The following PALLD variants were observed in gnomAD, a reference collection of about 807,000 sequenced individuals.
The protein encoded by PALLD is palladin.
PALLD carries 61 observed loss-of-function variants against 123.5 expected under a neutral mutation model. The ratio of observed to expected loss-of-function variants is 0.49; its 90% CI spans 0.40 to 0.61. The LOEUF (loss-of-function observed/expected upper bound fraction) is 0.61. PALLD is among the 20% of genes least tolerant of loss of function. The pLI is 0.00. For missense variants in PALLD, 1,273 were observed against 1,377.0 expected (o/e 0.92, Z 1.20); for synonymous variants, 465 against 496.4 (o/e 0.94, Z 0.84).
At chr4:168,833,621 G>A (rs976421425) in intron 10 of PALLD, among the ~76,000 whole-genome samples, 2 of 152,040 alleles carry the variant, frequency 1.3e-5, no homozygotes, top group Non-Finnish European at 2.9e-5. Flanking sequence ...GTGTTATGCA[G>A]GCTCCTGTCA....
chr4:168,838,762 G>A (rs1231402351), intron 10 of PALLD, among the ~76,000 whole-genome samples: 1 of 141,470 alleles, frequency 7.1e-6, no homozygotes, highest in Non-Finnish European at 1.5e-5. Context: ...TTGAGTGACT[G>A]CTACAGGAAA....
chr4:168,868,387 C>G (rs991031872), intron 10 of PALLD, among the ~76,000 whole-genome samples: 1 of 152,170 alleles, frequency 6.6e-6, no homozygotes, highest in Non-Finnish European at 1.5e-5. Flanking sequence ...ATGTCTGCCA[C>G]ACTTGGAGTT....
intron 2 of PALLD, among the ~76,000 whole-genome samples, chr4:168,527,937 TC>T (rs879271998): frequency 2.1e-4 from 32 of 152,204 alleles, no homozygotes; most frequent in Non-Finnish European, 4.4e-4. Flanking sequence ...ACACAATGCT[TC>T]CCTGTGTTCA....
At chr4:168,834,599 T>G (rs1322478083) in intron 10 of PALLD, among the ~76,000 whole-genome samples, 1 of 152,084 alleles carries the variant, frequency 6.6e-6, no homozygotes, top group African/African-American at 2.4e-5. Flanking sequence ...TAGCCAGGTG[T>G]GGTGGTGTGT....
chr4:168,841,169 A>G (rs73864654), intron 10 of PALLD, among the ~76,000 whole-genome samples: 195 of 152,240 alleles, frequency 1.3e-3, no homozygotes, highest in African/African-American at 4.5e-3. Flanking sequence ...ATGTTTAAGA[A>G]TTAACATGTA....
chr4:168,715,018 C>T (rs74613681), intron 10 of PALLD, among the ~76,000 whole-genome samples: 2,017 of 152,150 alleles, frequency 0.013, 43 homozygotes, highest in African/African-American at 0.045. Flanking sequence ...CAACAGAAGT[C>T]GTCACCTATA....
intron 10 of PALLD, among the ~76,000 whole-genome samples, chr4:168,889,562 A>G (rs1055512285): frequency 6.6e-6 from 1 of 152,144 alleles, no homozygotes; most frequent in African/African-American, 2.4e-5. Context: ...ATAAAATGAA[A>G]TTCTTATCCA....
chr4:168,542,754 A>ATATATG (rs1765759130), intron 2 of PALLD, among the ~76,000 whole-genome samples: 1 of 133,174 alleles, frequency 7.5e-6, no homozygotes. Context: ...ATATATATAT[A>ATATATG]TATATATATG....
chr4:168,842,696 T>G (rs1746217667), intron 10 of PALLD, among the ~76,000 whole-genome samples: 1 of 152,224 alleles, frequency 6.6e-6, no homozygotes, highest in Non-Finnish European at 1.5e-5. Flanking sequence ...TCAGCCTTGC[T>G]GTCCCTGTCA....
Position 168,913,970 on chromosome 4 carries a change from A to G in PALLD, c.2666A>G (p.Asn889Ser). The G allele has an allele frequency of 6.2e-7, 1 of 1,613,608 alleles. No homozygotes were observed. The highest frequency in any genetic ancestry group is 8.5e-7 in the Non-Finnish European group (1 of 1,179,500). Reference sequence around the variant, plus strand: ...GGACGGCTAATGGTACAGGCTGTCAACCAAAGAGGTCGAAGTCCCCGGTCT... The same window carrying G: ...GGACGGCTAATGGTACAGGCTGTCAGCCAAAGAGGTCGAAGTCCCCGGTCT... The part of the protein sequence containing the change: ...CTGRLMVQAV[N>S]QRGRSPRSPS... Residue 889 changes from asparagine (N) to serine (S), a missense_variant, in exon 16 of 22, where the codon AAC (asparagine) becomes AGC (serine). Around this residue, in one of 2 missense-constraint regions of PALLD, gnomAD observed 329 missense variants for 422.5 expected, o/e 0.78. Transcript: ENST00000505667.
At chr4:168,739,777 C>T (rs983618025) in intron 10 of PALLD, among the ~76,000 whole-genome samples, 1 of 152,336 alleles carries the variant, frequency 6.6e-6, no homozygotes, top group East Asian at 1.9e-4. Flanking sequence ...CTCCATCACA[C>T]ACGTCATAAA....
chr4:168,796,094 T>C (rs1226423563), intron 10 of PALLD, among the ~76,000 whole-genome samples: 1 of 152,156 alleles, frequency 6.6e-6, no homozygotes, highest in Non-Finnish European at 1.5e-5. Context: ...TACAATTAAG[T>C]TCCTATTGAC....
At chr4:168,771,435 C>G (rs908945794) in intron 10 of PALLD, among the ~76,000 whole-genome samples, 3 of 152,206 alleles carry the variant, frequency 2.0e-5, no homozygotes, top group Non-Finnish European at 4.4e-5. Context: ...CGGGCTGCAA[C>G]AAGCCTTGCT....
chr4:168,580,025 C>T (rs943910754), intron 2 of PALLD, among the ~76,000 whole-genome samples: 16 of 151,980 alleles, frequency 1.1e-4, no homozygotes, highest in African/African-American at 4.8e-5. Context: ...ACCAATAGCT[C>T]CTCATTTCCT....
intron 7 of PALLD, 31 bp downstream of exon 7, chr4:168,690,775 G>A (rs200116513): frequency 5.7e-5 from 92 of 1,611,010 alleles, no homozygotes; most frequent in Admixed American, 5.0e-5. Context: ...CCCCAAATCT[G>A]ACCATTTTAT....
intron 2 of PALLD, among the ~76,000 whole-genome samples, chr4:168,599,556 A>T (rs1220611592): frequency 1.3e-5 from 2 of 152,218 alleles, no homozygotes; most frequent in Non-Finnish European, 2.9e-5. Flanking sequence ...GTGGGAGAAT[A>T]GTGCAAGTAA....
At chr4:168,894,889 C>T (rs1754782104) in intron 12 of PALLD, 3 of 667,574 alleles carry the variant, frequency 4.5e-6, no homozygotes, top group Admixed American at 6.0e-5. Context: ...ATCAGTGATA[C>T]CTGTTCTTTT....
In PALLD at chr4:168,516,576, A is replaced by C. The variant is rs143059251; in HGVS notation, c.908+4164A>C. Among the ~76,000 whole-genome samples, 426 of 152,284 alleles carry C rather than the reference A, an allele frequency of 2.8e-3. 3 individuals carry two copies. The highest frequency in any genetic ancestry group is 9.7e-3 in the South Asian group (47 of 4,826). Reference sequence around the variant, plus strand: ...AAATGTAAGGAGACTGGGATCAAAAACTGTGAAATGATGTGCCTAGTAATA... The same window carrying C: ...AAATGTAAGGAGACTGGGATCAAAACCTGTGAAATGATGTGCCTAGTAATA... On this transcript the variant is annotated intron_variant, in intron 2 of 21. Coordinates refer to ENST00000505667, the MANE Select transcript of PALLD (RefSeq NM_001166108.2).
chr4:168,787,867 G>A (rs1736968653), intron 10 of PALLD, among the ~76,000 whole-genome samples: 1 of 152,096 alleles, frequency 6.6e-6, no homozygotes, highest in East Asian at 1.9e-4. Flanking sequence ...GGCATCAAAG[G>A]GCCAACATTA....
Sources: gnomAD v4.1 joint callset for allele counts (sites outside exome capture counted in the v4.1 genomes callset) on GRCh38, gnomAD v4.1.1 for gene constraint, gnomAD v4.1.1 regional missense constraint, MANE v1.5 for transcripts, NCBI Gene and HGNC (gene_info 2026-07-23, HGNC 2026-07-21) for gene names.